The following RPS6KA2 variants were observed in gnomAD, a reference collection of about 807,000 sequenced individuals.
The protein encoded by RPS6KA2 is ribosomal protein S6 kinase alpha-2.
In RPS6KA2, 42 loss-of-function variants were observed where a neutral mutation model predicts 91.8. The observed-to-expected ratio is 0.46, with a 90% CI of 0.36 to 0.59. The LOEUF is 0.59. Among genes scored for constraint, RPS6KA2 ranks in the 20% least tolerant of loss-of-function variants. The pLI, the probability that RPS6KA2 is intolerant of heterozygous loss-of-function variation, is 0.00. For synonymous variants in RPS6KA2, 414 were observed against 393.6 expected (o/e 1.05, Z -0.61); for missense variants, 798 against 978.5 (o/e 0.82, Z 2.46).
intron 2 of RPS6KA2, among the ~76,000 whole-genome samples, chr6:166,815,237 A>C (rs1326864192): frequency 1.3e-5 from 2 of 152,174 alleles, no homozygotes; most frequent in African/African-American, 2.4e-5. Context: ...ATAGTCTAGA[A>C]AATTTTTCAT....
chr6:166,771,966 C>T (rs775077137), intron 2 of RPS6KA2, among the ~76,000 whole-genome samples: 7 of 152,234 alleles, frequency 4.6e-5, no homozygotes, highest in Non-Finnish European at 7.3e-5. Flanking sequence ...CCTCTGTCCT[C>T]CAACACAGCT....
intron 2 of RPS6KA2, among the ~76,000 whole-genome samples, chr6:166,681,205 G>A (rs578033282): frequency 4.6e-5 from 7 of 152,118 alleles, no homozygotes; most frequent in Non-Finnish European, 8.8e-5. Context: ...AAAACTGCAG[G>A]TTACAACACT....
exon 2 of RPS6KA2, chr6:166,858,236 C>A: frequency 1.3e-6 from 2 of 1,540,660 alleles, no homozygotes; most frequent in African/African-American, 2.7e-5. Context: ...GCTCCACATC[C>A]AGGTTGAGAT....
intron 2 of RPS6KA2, among the ~76,000 whole-genome samples, chr6:166,827,453 T>A (rs1040783623): frequency 1.2e-4 from 18 of 152,176 alleles, no homozygotes; most frequent in Non-Finnish European, 2.5e-4. Context: ...CTCATTTTTT[T>A]CTTTAAACAC....
intron 14 of RPS6KA2, among the ~76,000 whole-genome samples, chr6:166,439,388 A>G (rs1779447458): frequency 6.6e-6 from 1 of 152,240 alleles, no homozygotes; most frequent in East Asian, 1.9e-4. Flanking sequence ...GATTACAGGC[A>G]TGAGCCACCG....
At chr6:166,619,221 A>G (rs1786536310) in intron 1 of RPS6KA2, among the ~76,000 whole-genome samples, 1 of 152,198 alleles carries the variant, frequency 6.6e-6, no homozygotes, top group African/African-American at 2.4e-5. Context: ...ACCCAACCTC[A>G]TGCTGTGTCT....
chr6:166,714,055 C>T (rs1789943936), intron 2 of RPS6KA2, among the ~76,000 whole-genome samples: 1 of 152,224 alleles, frequency 6.6e-6, no homozygotes. Context: ...CTTCCCCACA[C>T]CCTGTTCCAA....
intron 2 of RPS6KA2, among the ~76,000 whole-genome samples, chr6:166,751,548 G>C (rs1205313499): frequency 6.6e-6 from 1 of 152,234 alleles, no homozygotes; most frequent in Non-Finnish European, 1.5e-5. Flanking sequence ...AGGGGCTTGA[G>C]GCTTGGCTTC....
At chr6:166,701,235 G>T in intron 2 of RPS6KA2, 4 of 1,612,120 alleles carry the variant, frequency 2.5e-6, no homozygotes, top group Non-Finnish European at 2.5e-6. Flanking sequence ...CAACCACTTG[G>T]TCATTCTCAT....
At chr6:166,560,930 A>T (rs751813917) in intron 1 of RPS6KA2, among the ~76,000 whole-genome samples, 4 of 135,324 alleles carry the variant, frequency 3.0e-5, no homozygotes, top group Non-Finnish European at 6.2e-5. Flanking sequence ...TCTTAGCCCA[A>T]CATGGTGTTT....
At chr6:166,834,758 C>G (rs1780276764) in intron 2 of RPS6KA2, among the ~76,000 whole-genome samples, 1 of 152,184 alleles carries the variant, frequency 6.6e-6, no homozygotes, top group African/African-American at 2.4e-5. Flanking sequence ...TTTTCTCCCA[C>G]TCTGGCCAGT....
At chr6:166,749,975 C>T (rs1791225894) in intron 2 of RPS6KA2, among the ~76,000 whole-genome samples, 1 of 151,852 alleles carries the variant, frequency 6.6e-6, no homozygotes, top group Non-Finnish European at 1.5e-5. Flanking sequence ...GGTGGCCACA[C>T]AGTCAGCATC....
intron 10 of RPS6KA2, among the ~76,000 whole-genome samples, chr6:166,470,578 G>A (rs746624073): frequency 3.3e-5 from 5 of 152,192 alleles, no homozygotes; most frequent in South Asian, 2.1e-4. Context: ...AGGAGTAGGC[G>A]GAGCGCTGGG....
At chr6:166,597,577 CAT>C (rs1785581212) in intron 1 of RPS6KA2, among the ~76,000 whole-genome samples, 1 of 152,148 alleles carries the variant, frequency 6.6e-6, no homozygotes. Context: ...ACATTTAACA[CAT>C]AAAGAAAACG....
At chr6:166,586,223 T>C in intron 1 of RPS6KA2, 1 of 1,592,270 alleles carries the variant, frequency 6.3e-7, no homozygotes, top group South Asian at 1.1e-5. Context: ...TACCCCAGGA[T>C]CGTCCATGCC....
At chr6:166,615,451 C>T (rs866648736) in intron 1 of RPS6KA2, among the ~76,000 whole-genome samples, 7 of 152,188 alleles carry the variant, frequency 4.6e-5, no homozygotes, top group African/African-American at 9.7e-5. Flanking sequence ...TTGAAGATAT[C>T]GGAGGGGATG....
At chr6:166,535,212 C>G (rs1245856260) in intron 2 of RPS6KA2, among the ~76,000 whole-genome samples, 2 of 152,184 alleles carry the variant, frequency 1.3e-5, no homozygotes, top group Non-Finnish European at 2.9e-5. Flanking sequence ...GACCTGGCAA[C>G]AGGTGCGATG....
intron 2 of RPS6KA2, chr6:166,757,596 CG>C: frequency 2.2e-6 from 1 of 456,214 alleles, no homozygotes; most frequent in South Asian, 1.5e-5. Context: ...CCCCAGGTCC[CG>C]GGGGCCGGGC....
rs1779897857 is a variant in RPS6KA2 at position 166,821,291 on chromosome 6, C to G, written c.123+36909G>C. Among the ~76,000 whole-genome samples, 1 of 151,868 alleles carries G rather than the reference C, an allele frequency of 6.6e-6. No individual in the cohort carries two copies. The highest frequency in any genetic ancestry group is 6.6e-5 in the Admixed American group (1 of 15,262). ...TTTCTCTTTCTTTCCAGCAGGCGCA[C>G]CCCAGGAGTGACAAATCAGCCTTCA... On this transcript the variant is annotated intron_variant, in intron 2 of 21. Coordinates refer to the RPS6KA2 transcript ENST00000503859. This position sits in a 1 kb window ranked among gnomAD's most constrained non-coding sequence, Gnocchi z 4.1.
Sources: allele counts gnomAD v4.1 joint callset (sites outside exome capture counted in the v4.1 genomes callset), GRCh38; gene constraint gnomAD v4.1.1; non-coding constraint Gnocchi (gnomAD v3.1); transcripts MANE v1.5; gene names NCBI Gene and HGNC (gene_info 2026-07-23, HGNC 2026-07-21).